Variants in CA5A observed in about 807,000 individuals in gnomAD.
CA5A encodes carbonic anhydrase 5A, also known as carbonic anhydrase 5A, mitochondrial.
CA5A carries 28 observed loss-of-function variants against 37.1 expected under a neutral mutation model. The observed-to-expected ratio is 0.75, with a 90% CI of 0.56 to 1.03. The LOEUF is 1.03. CA5A is among the 50% of genes least tolerant of loss of function. CA5A has a pLI of 0.00. For missense variants in CA5A, 444 were observed against 399.9 expected (o/e 1.11, Z -0.94); for synonymous variants, 171 against 158.4 (o/e 1.08, Z -0.60).
chr16:87,928,786 T>A (rs868850657), intron 1 of CA5A, among the ~76,000 whole-genome samples: 1 of 102,022 alleles, frequency 9.8e-6, no homozygotes, highest in African/African-American at 3.6e-5. Context: ...TTTTTTTTTT[T>A]GAGACGGAGT....
intron 1 of CA5A, among the ~76,000 whole-genome samples, chr16:87,934,891 C>G (rs2056450607): frequency 6.6e-6 from 1 of 152,018 alleles, no homozygotes; most frequent in African/African-American, 2.4e-5. Context: ...ACCCAGGAGG[C>G]AGAGGCTGCA....
At chr16:87,885,962 G>A (rs1001818677), downstream of CA5A, 1 of 152,092 alleles carries the variant, frequency 6.6e-6, no homozygotes, top group Non-Finnish European at 1.5e-5. Flanking sequence ...CGTCCCCAGA[G>A]TCTAGAATAG....
At chr16:87,927,274 G>C (rs1315304673) in intron 1 of CA5A, among the ~76,000 whole-genome samples, 1 of 152,234 alleles carries the variant, frequency 6.6e-6, no homozygotes, top group Non-Finnish European at 1.5e-5. Flanking sequence ...TAGACCTTGG[G>C]GAGGGCAGGT....
At chr16:87,917,401 T>C (rs2056161482) in intron 2 of CA5A, among the ~76,000 whole-genome samples, 1 of 152,210 alleles carries the variant, frequency 6.6e-6, no homozygotes, top group South Asian at 2.1e-4. Flanking sequence ...GCTGAATCTC[T>C]AACAGGTAAA....
chr16:87,921,019 C>G (rs2056222893), intron 2 of CA5A, among the ~76,000 whole-genome samples: 1 of 152,016 alleles, frequency 6.6e-6, no homozygotes. Context: ...TCTCGAACTC[C>G]TGACCTCAGG....
chr16:87,915,148 C>T lies in CA5A; in HGVS notation c.341-10244G>A, dbSNP rs374367715. Among the ~76,000 whole-genome samples, 24 of 152,326 alleles carry T rather than the reference C, an allele frequency of 1.6e-4. No individual in the cohort carries two copies. The East Asian group carries it at 1.7e-3, about 11-fold the overall frequency. Reference sequence around the variant, plus strand: ...GTTGCAGCGCACGTCCGACCACACTCGCCTTTGATCGCATTTATCACTGGG... The same window carrying T: ...GTTGCAGCGCACGTCCGACCACACTTGCCTTTGATCGCATTTATCACTGGG... On this transcript the variant is annotated intron_variant, in intron 2 of 6. Coordinates refer to ENST00000649794, the MANE Select transcript of CA5A (RefSeq NM_001739.2).
chr16:87,934,550 C>T (rs1323812712), intron 1 of CA5A, among the ~76,000 whole-genome samples: 3 of 151,462 alleles, frequency 2.0e-5, no homozygotes, highest in African/African-American at 7.3e-5. Context: ...GCCTGGGCAA[C>T]AAGACAGAAA....
intron 2 of CA5A, among the ~76,000 whole-genome samples, chr16:87,919,298 C>T (rs1384491087): frequency 2.0e-5 from 3 of 152,232 alleles, no homozygotes; most frequent in African/African-American, 7.2e-5. Context: ...CTGGGAACAG[C>T]GTCCTCGGCT....
At chr16:87,908,139 C>T (rs2143979632) in intron 2 of CA5A, among the ~76,000 whole-genome samples, 2 of 152,282 alleles carry the variant, frequency 1.3e-5, no homozygotes, top group South Asian at 4.1e-4. Flanking sequence ...TGGAATCGAG[C>T]CTTTCCCACG....
downstream of CA5A, chr16:87,886,957 C>G (rs1335101596): frequency 6.6e-6 from 1 of 152,168 alleles, no homozygotes; most frequent in Non-Finnish European, 1.5e-5. Flanking sequence ...GGCTGGAGTG[C>G]AGTGGCATGA....
intron 2 of CA5A, chr16:87,925,394 C>T (rs948756372): frequency 6.6e-6 from 1 of 152,310 alleles, no homozygotes; most frequent in African/African-American, 2.4e-5. Context: ...TAATTCTCCC[C>T]TAAACCAGCC....
intron 2 of CA5A, among the ~76,000 whole-genome samples, chr16:87,905,296 G>A (rs2055943666): frequency 6.6e-6 from 1 of 152,288 alleles, no homozygotes; most frequent in Non-Finnish European, 1.5e-5. Context: ...TTTAAAAGCA[G>A]CTTAAATCCT....
At chr16:87,916,022 C>T (rs1248697358) in intron 2 of CA5A, among the ~76,000 whole-genome samples, 1 of 151,774 alleles carries the variant, frequency 6.6e-6, no homozygotes, top group Non-Finnish European at 1.5e-5. Context: ...ATGGGGGCAG[C>T]CAAGAGACAG....
At chr16:87,907,431 C>A (rs2055980914) in intron 2 of CA5A, among the ~76,000 whole-genome samples, 1 of 152,150 alleles carries the variant, frequency 6.6e-6, no homozygotes, top group Admixed American at 6.6e-5. Context: ...GGGGGTCTGC[C>A]TCTCTCTCTT....
At chr16:87,913,129 C>T (rs1346880665) in intron 2 of CA5A, among the ~76,000 whole-genome samples, 1 of 151,920 alleles carries the variant, frequency 6.6e-6, no homozygotes, top group Non-Finnish European at 1.5e-5. Context: ...CAGGCAGGCA[C>T]CACCACAACT....
intron 2 of CA5A, among the ~76,000 whole-genome samples, chr16:87,906,008 C>T (rs1408137278): frequency 6.6e-6 from 1 of 152,228 alleles, no homozygotes; most frequent in Non-Finnish European, 1.5e-5. Flanking sequence ...ACGAGCTCCC[C>T]AGGGGTTCGG....
At chr16:87,901,445 C>G (rs2055876305) in intron 5 of CA5A, among the ~76,000 whole-genome samples, 1 of 152,236 alleles carries the variant, frequency 6.6e-6, no homozygotes, top group Non-Finnish European at 1.5e-5. Context: ...ACACCAGCAT[C>G]AACCCTGCGG....
intron 2 of CA5A, among the ~76,000 whole-genome samples, chr16:87,913,545 C>T (rs2056083298): frequency 6.6e-6 from 1 of 152,260 alleles, no homozygotes; most frequent in African/African-American, 2.4e-5. Flanking sequence ...GTCTATTCAG[C>T]ATTTCAGATG....
intron 1 of CA5A, among the ~76,000 whole-genome samples, chr16:87,929,681 G>T (rs547383052): frequency 1.3e-5 from 2 of 151,452 alleles, no homozygotes; most frequent in South Asian, 4.2e-4. Context: ...GACCATCCTG[G>T]CTAACACCGT....
Sources: allele counts gnomAD v4.1 joint callset (sites outside exome capture counted in the v4.1 genomes callset), GRCh38; gene constraint gnomAD v4.1.1; transcripts MANE v1.5; gene names NCBI Gene and HGNC (gene_info 2026-07-23, HGNC 2026-07-21).